Variants in ZFP64 observed in about 807,000 individuals in gnomAD.
ZFP64 encodes ZFP64 zinc finger protein.
In ZFP64, 14 loss-of-function variants were observed where a neutral mutation model predicts 51.6. That is an observed-to-expected ratio of 0.27 (90% CI 0.18 to 0.42). ZFP64 has a LOEUF of 0.42. ZFP64 is among the 10% of genes least tolerant of loss of function. The probability of loss-of-function intolerance (pLI) is 1.00; values close to 1 mark genes in which losing one functional copy is unlikely to be tolerated. For synonymous variants in ZFP64, 375 were observed against 361.4 expected (o/e 1.04, Z -0.43); for missense variants, 754 against 906.8 (o/e 0.83, Z 2.16).
At chr20:52,092,438 C>T (rs1367781526) in intron 7 of ZFP64, among the ~76,000 whole-genome samples, 1 of 152,186 alleles carries the variant, frequency 6.6e-6, no homozygotes. Flanking sequence ...AAGGGGACTA[C>T]AGATACACAA....
Position 52,153,380 on chromosome 20 carries a change from CTGATTT to C in ZFP64, c.806_811del (p.Lys269_Ile270del), listed in dbSNP as rs1483523649. ...CCGCATGTGCCTTTTCAAGTCCGAGCTGATTTTGAACTTGGCGCTACAGAGCCAGCA... is the reference window on the plus strand; with the variant it reads ...CCGCATGTGCCTTTTCAAGTCCGAGCTGAACTTGGCGCTACAGAGCCAGCA... On this transcript the variant is annotated inframe_deletion, in exon 6 of 6. Transcript: ENST00000216923. The surrounding 1 kb of genome is among the most constrained non-coding windows in gnomAD (Gnocchi z 5.1). 1 of 1,614,078 alleles carries C rather than the reference CTGATTT, an allele frequency of 6.2e-7. No individual in the cohort carries two copies. The highest frequency in any genetic ancestry group is 8.5e-7 in the Non-Finnish European group (1 of 1,180,038).
intron 5 of ZFP64, among the ~76,000 whole-genome samples, chr20:52,100,315 A>T (rs893905932): frequency 2.0e-5 from 3 of 151,954 alleles, no homozygotes; most frequent in Admixed American, 1.3e-4. Context: ...GTACCATCTC[A>T]GCTCACTGCA....
chr20:52,161,139 C>T (rs895167724), intron 4 of ZFP64, among the ~76,000 whole-genome samples: 3 of 152,188 alleles, frequency 2.0e-5, no homozygotes, highest in African/African-American at 7.2e-5. Flanking sequence ...AGCCTGCCTG[C>T]TCACCTCCGG....
chr20:52,102,429 G>A (rs925532028), intron 5 of ZFP64, among the ~76,000 whole-genome samples: 1 of 152,082 alleles, frequency 6.6e-6, no homozygotes, highest in Non-Finnish European at 1.5e-5. Flanking sequence ...CTCTTGCTCT[G>A]TGAGCAAGAA....
At chr20:52,161,455 T>TC (rs916483068) in intron 4 of ZFP64, among the ~76,000 whole-genome samples, 2 of 145,332 alleles carry the variant, frequency 1.4e-5, no homozygotes, top group African/African-American at 5.4e-5. Context: ...GCTTTCTTTT[T>TC]TTTTTTTTTT....
chr20:52,127,310 T>A (rs949864157), intron 5 of ZFP64, among the ~76,000 whole-genome samples: 14 of 149,874 alleles, frequency 9.3e-5, no homozygotes, highest in African/African-American at 3.4e-4. Flanking sequence ...AAGGGAAGAT[T>A]TTTTTTTTTA....
intron 2 of ZFP64, among the ~76,000 whole-genome samples, chr20:52,184,170 T>G (rs1983802869): frequency 6.6e-6 from 1 of 152,140 alleles, no homozygotes; most frequent in East Asian, 1.9e-4. Context: ...TCCTCACTCT[T>G]CAGCTCCAGA....
intron 5 of ZFP64, chr20:52,117,609 A>C (rs1568955474): frequency 4.4e-6 from 2 of 456,028 alleles, no homozygotes; most frequent in South Asian, 3.1e-5. Flanking sequence ...ACAGAGCGAA[A>C]CTCTGTCTCA....
chr20:52,115,526 A>C (rs191448419), intron 5 of ZFP64, among the ~76,000 whole-genome samples: 1 of 151,328 alleles, frequency 6.6e-6, no homozygotes, highest in East Asian at 2.0e-4. Context: ...GTGATCCTTA[A>C]GCTTCAGCCT....
intron 2 of ZFP64, among the ~76,000 whole-genome samples, chr20:52,168,917 G>GT (rs1334249441): frequency 6.6e-6 from 1 of 152,186 alleles, no homozygotes; most frequent in East Asian, 1.9e-4. Flanking sequence ...CTGAAATCAA[G>GT]TTTGTTCACA....
At chr20:52,161,518 G>A (rs6013407) in intron 4 of ZFP64, among the ~76,000 whole-genome samples, 62 of 143,842 alleles carry the variant, frequency 4.3e-4, no homozygotes, top group African/African-American at 1.5e-3. Flanking sequence ...TTGCATGTAC[G>A]GTAATTTCGA....
At chr20:52,180,736 G>A (rs1401972188) in intron 2 of ZFP64, among the ~76,000 whole-genome samples, 3 of 152,064 alleles carry the variant, frequency 2.0e-5, no homozygotes, top group South Asian at 4.1e-4. Context: ...GCCCACTGAA[G>A]CCTGGCTGGA....
chr20:52,158,351 G>T (rs189973736), intron 5 of ZFP64, among the ~76,000 whole-genome samples: 1 of 152,240 alleles, frequency 6.6e-6, no homozygotes, highest in Non-Finnish European at 1.5e-5. Context: ...AATGCATTTT[G>T]CCTGTCAGAG....
In ZFP64 at chr20:52,185,737, C is replaced by T. The variant is rs190596104; in HGVS notation, c.286+1095G>A. On this transcript the variant is annotated intron_variant, in intron 2 of 5. Coordinates refer to ENST00000216923, the MANE Select transcript of ZFP64 (RefSeq NM_018197.3). ...CTGGGATTACAGGCGCCTGCCACCACGCCCGGCTAATTTTTGTATTTTTAG... is the reference window on the plus strand; with the variant it reads ...CTGGGATTACAGGCGCCTGCCACCATGCCCGGCTAATTTTTGTATTTTTAG... Among the ~76,000 whole-genome samples, 576 of 152,112 alleles carry T rather than the reference C, an allele frequency of 3.8e-3. 1 individual carries two copies. The highest frequency in any genetic ancestry group is 6.8e-3 in the Non-Finnish European group (461 of 67,998).
chr20:52,092,643 G>A (rs2078940824), intron 7 of ZFP64, among the ~76,000 whole-genome samples: 1 of 152,174 alleles, frequency 6.6e-6, no homozygotes, highest in Non-Finnish European at 1.5e-5. Flanking sequence ...CTTGACTTGA[G>A]GTCAGGAGTT....
In ZFP64 at chr20:52,112,111, A is replaced by AAAC. The variant is rs146869649; in HGVS notation, c.764-13525_764-13524insGTT. ...AAAAAAAAAAAAAAACAAAAAAAAA[A>AAAC]CAAGAATCCCAGCTCCTGGCTCTGT... On this transcript the variant is annotated intron_variant, in intron 5 of 8. Transcript: ENST00000361387. 1.0e-3 allele frequency among the ~76,000 whole-genome samples: 150 copies of AAAC among 147,468 alleles called. 1 individual carries two copies. Among genetic ancestry groups the AAAC allele is most frequent in the Middle Eastern group, 3.5e-3 (1 of 282 alleles).
intron 7 of ZFP64, among the ~76,000 whole-genome samples, chr20:52,090,147 T>G (rs1349051179): frequency 6.6e-6 from 1 of 152,184 alleles, no homozygotes; most frequent in Non-Finnish European, 1.5e-5. Context: ...CCATGCATCT[T>G]ATTTAGAAGC....
chr20:52,104,136 A>C (rs1264251948), intron 5 of ZFP64, among the ~76,000 whole-genome samples: 2 of 152,222 alleles, frequency 1.3e-5, no homozygotes, highest in East Asian at 3.9e-4. Context: ...GCAGCCTAAG[A>C]GAAAGTAGGA....
Position 52,160,611 on chromosome 20 carries a change from A to G in ZFP64, c.512-237T>C, listed in dbSNP as rs918091858. 6.6e-6 allele frequency among the ~76,000 whole-genome samples: 1 copy of G among 152,218 alleles called. No homozygotes were observed. The highest frequency in any genetic ancestry group is 1.5e-5 in the Non-Finnish European group (1 of 68,034). ...AAAATGATGAATATGAATTTCTTAT[A>G]AATTTTTTATAAATTAAAAATAGAA... On this transcript the variant is annotated intron_variant, in intron 4 of 5. Coordinates refer to ENST00000216923, the MANE Select transcript of ZFP64 (RefSeq NM_018197.3). The surrounding 1 kb of genome is among the most constrained non-coding windows in gnomAD (Gnocchi z 4.2).
Sources: allele counts gnomAD v4.1 joint callset (sites outside exome capture counted in the v4.1 genomes callset), GRCh38; gene constraint gnomAD v4.1.1; non-coding constraint Gnocchi (gnomAD v3.1); transcripts MANE v1.5; gene names NCBI Gene and HGNC (gene_info 2026-07-23, HGNC 2026-07-21).